Variants in TNFSF8 observed in about 807,000 individuals in gnomAD.
TNFSF8 encodes TNF superfamily member 8, also known as tumor necrosis factor ligand superfamily member 8.
A neutral mutation model predicts 22.0 loss-of-function variants in TNFSF8; 4 were observed. The observed-to-expected ratio is 0.18, with a 90% CI of 0.09 to 0.42. TNFSF8 has a LOEUF of 0.42. TNFSF8 is among the 10% of genes least tolerant of loss of function. TNFSF8 has a pLI of 1.00. For missense variants in TNFSF8, 233 were observed against 281.8 expected (o/e 0.83, Z 1.24); for synonymous variants, 106 against 112.5 (o/e 0.94, Z 0.37).
Position 114,923,522 on chromosome 9 carries a change from C to CTTTCTTTCTTTCTTTCTTTCT in TNFSF8, c.196-5385_196-5384insAGAAAGAAAGAAAGAAAGAAA, listed in dbSNP as rs758823996. On this transcript the variant is annotated intron_variant, in intron 1 of 3. Transcript: ENST00000223795. ...TCTTTCTTTCTTTCTTTCTTTCTTT[C>CTTTCTTTCTTTCTTTCTTTCT]TTTTTTTTTTTTTGAGATGAAATCT... 3.2e-3 allele frequency among the ~76,000 whole-genome samples: 286 copies of CTTTCTTTCTTTCTTTCTTTCT among 89,700 alleles called. 1 individual carries two copies. The highest frequency in any genetic ancestry group is 7.2e-3 in the African/African-American group (152 of 21,222). 58.8% of individuals were successfully genotyped at this position (89,700 alleles called of 152,430 possible).
At chr9:114,929,385 A>C (rs1828107244) in intron 1 of TNFSF8, among the ~76,000 whole-genome samples, 2 of 150,092 alleles carry the variant, frequency 1.3e-5, no homozygotes, top group Non-Finnish European at 3.0e-5. Context: ...TGACGCCCTA[A>C]CTTCTTCAAA....
At chr9:114,905,173 T>C (rs1827769496) in intron 3 of TNFSF8, among the ~76,000 whole-genome samples, 1 of 152,258 alleles carries the variant, frequency 6.6e-6, no homozygotes, top group Non-Finnish European at 1.5e-5. Flanking sequence ...TTAAACCTCG[T>C]TGCAATTCAA....
chr9:114,925,889 G>C (rs1399227419), intron 1 of TNFSF8, among the ~76,000 whole-genome samples: 1 of 152,102 alleles, frequency 6.6e-6, no homozygotes, highest in East Asian at 1.9e-4. Context: ...GGCTTCAGAG[G>C]CTTTTTGAAA....
Position 114,903,646 on chromosome 9 carries a change from A to G in TNFSF8, c.*285T>C. On this transcript the variant is annotated 3_prime_UTR_variant, in exon 4 of 4. Coordinates refer to ENST00000223795, the MANE Select transcript of TNFSF8 (RefSeq NM_001244.4). The stretch of plus-strand genomic sequence containing the variant: ...GAAATAGATCAAGACCATACAGTGA[A>G]TTAGAGGTTGGGCTGGGACATCCAT... 2 of 1,058,800 alleles carry G rather than the reference A, an allele frequency of 1.9e-6. No homozygotes were observed. The highest frequency in any genetic ancestry group is 2.3e-6 in the Non-Finnish European group (2 of 860,732). 65.6% of individuals were successfully genotyped at this position (1,058,800 alleles called of 1,614,324 possible).
chr9:114,918,454 T>TC (rs1491213533), intron 1 of TNFSF8, among the ~76,000 whole-genome samples: 2 of 57,916 alleles, frequency 3.5e-5, no homozygotes, highest in African/African-American at 4.6e-5. Context: ...GAGCTGGGAC[T>TC]TTTTTTTTTT....
chr9:114,918,169 A>G (rs1314121825), intron 1 of TNFSF8, 31 bp from the exon 2 acceptor site: 2 of 1,590,588 alleles, frequency 1.3e-6, no homozygotes, highest in Admixed American at 3.6e-5. Context: ...AAGCAGCATG[A>G]GGTGTGACAT....
chr9:114,910,660 G>A (rs1337666388), intron 2 of TNFSF8, among the ~76,000 whole-genome samples: 1 of 152,178 alleles, frequency 6.6e-6, no homozygotes, highest in Non-Finnish European at 1.5e-5. Flanking sequence ...GAGAATGCCA[G>A]CAGATGACTT....
chr9:114,899,678 G>A (rs1449429974), downstream of TNFSF8, among the ~76,000 whole-genome samples: 1 of 152,192 alleles, frequency 6.6e-6, no homozygotes, highest in African/African-American at 2.4e-5. Flanking sequence ...GCTTGGCAGA[G>A]CTGTAGCACA....
chr9:114,918,846 G>A (rs1470742003), intron 1 of TNFSF8, among the ~76,000 whole-genome samples: 7 of 152,112 alleles, frequency 4.6e-5, no homozygotes, highest in South Asian at 2.1e-4. Flanking sequence ...TGGTCCACCC[G>A]CCTCAGCCTC....
At chr9:114,894,029 A>G (rs1234212136) in exon 5 of TNFSF8, 3 of 1,449,432 alleles carry the variant, frequency 2.1e-6, no homozygotes, top group Non-Finnish European at 2.8e-6. Context: ...TAGCAGTGAC[A>G]GTGACCCAGG....
intron 1 of TNFSF8, among the ~76,000 whole-genome samples, chr9:114,922,497 G>A (rs922446887): frequency 2.6e-5 from 4 of 152,088 alleles, no homozygotes; most frequent in Admixed American, 6.6e-5. Flanking sequence ...CAAGAGTTAC[G>A]GATTCATCAA....
rs1023674760 is a variant in TNFSF8, at chr9:114,902,571, C to A, written c.*1360G>T. The A allele has an allele frequency of 2.0e-6, 2 of 985,274 alleles. No individual in the cohort carries two copies. The highest frequency in any genetic ancestry group is 2.4e-6 in the Non-Finnish European group (2 of 829,938). 61.0% of individuals were successfully genotyped at this position (985,274 alleles called of 1,614,324 possible). On this transcript the variant is annotated 3_prime_UTR_variant, in exon 4 of 4. Coordinates refer to ENST00000223795, the MANE Select transcript of TNFSF8 (RefSeq NM_001244.4). ...GTTCTTTCCATTACATCCTTGAGATCCTGCTGTTCACACCATTCAGCAGGG... is the reference window on the plus strand; with the variant it reads ...GTTCTTTCCATTACATCCTTGAGATACTGCTGTTCACACCATTCAGCAGGG...
At chr9:114,919,595 G>C (rs995450596) in intron 1 of TNFSF8, among the ~76,000 whole-genome samples, 6 of 152,124 alleles carry the variant, frequency 3.9e-5, no homozygotes, top group Admixed American at 3.9e-4. Flanking sequence ...GACCTGCCCA[G>C]GTTGGAATCT....
Position 114,930,174 on chromosome 9 carries a change from C to G in TNFSF8, c.130G>C (p.Ala44Pro). Residue 44 changes from alanine to proline, a missense_variant, in exon 1 of 4, where the codon GCC (alanine) becomes CCC (proline). Physicochemically the swap from Ala to Pro is conservative, Grantham distance 27 (BLOSUM62 -1). Coordinates refer to ENST00000223795, the MANE Select transcript of TNFSF8 (RefSeq NM_001244.4). ...AAGACAAGGCACAGAGCCAGAGTGG[C>G]TGTGGTCAAATAGAAATAGCTGCGG... ...TSRSYFYLTT[A>P]TLALCLVFTV... 6.2e-7 allele frequency: 1 copy of G among 1,604,096 alleles called. No homozygotes were observed. Among genetic ancestry groups the G allele is most frequent in the South Asian group, 1.1e-5 (1 of 89,824 alleles).
At chr9:114,916,996 T>C (rs1314503932) in intron 2 of TNFSF8, among the ~76,000 whole-genome samples, 1 of 152,232 alleles carries the variant, frequency 6.6e-6, no homozygotes, top group Non-Finnish European at 1.5e-5. Flanking sequence ...CTATGATTAT[T>C]AGTCTGCCTT....
rs117511682 is a variant in TNFSF8 at position 114,924,234 on chromosome 9, T to G, written c.195+5875A>C. Reference sequence around the variant, plus strand: ...GAGATCTGGGGTGAGCCCTGAGATTTTGAATTTCTAACAAGGCCCAGGACC... The same window carrying G: ...GAGATCTGGGGTGAGCCCTGAGATTGTGAATTTCTAACAAGGCCCAGGACC... On this transcript the variant is annotated intron_variant, in intron 1 of 3. Coordinates refer to ENST00000223795, the MANE Select transcript of TNFSF8 (RefSeq NM_001244.4). 3.8e-3 allele frequency among the ~76,000 whole-genome samples: 575 copies of G among 152,290 alleles called. 1 individual carries two copies. Among genetic ancestry groups the G allele is most frequent in the South Asian group, 8.3e-3 (40 of 4,822 alleles).
chr9:114,900,985 T>C (rs990488838), downstream of TNFSF8, among the ~76,000 whole-genome samples: 1 of 152,034 alleles, frequency 6.6e-6, no homozygotes, highest in African/African-American at 2.4e-5. Context: ...TTGTTATGTT[T>C]TTGTGAGCTC....
chr9:114,925,808 T>C (rs896903215), intron 1 of TNFSF8, among the ~76,000 whole-genome samples: 11 of 152,140 alleles, frequency 7.2e-5, no homozygotes. Flanking sequence ...ATGTAACCCT[T>C]TACATTCTCC....
chr9:114,908,997 C>T (rs1185884235), intron 2 of TNFSF8, among the ~76,000 whole-genome samples: 2 of 152,176 alleles, frequency 1.3e-5, no homozygotes, highest in Non-Finnish European at 2.9e-5. Context: ...TAACACTGCT[C>T]TAATCCCCAT....
Sources: allele counts gnomAD v4.1 joint callset (sites outside exome capture counted in the v4.1 genomes callset), GRCh38; gene constraint gnomAD v4.1.1; transcripts MANE v1.5; gene names NCBI Gene and HGNC (gene_info 2026-07-23, HGNC 2026-07-21).